Variants in USP50 observed in about 807,000 individuals in gnomAD.
The protein encoded by USP50 is ubiquitin carboxyl-terminal hydrolase 50.
In USP50, 37 loss-of-function variants were observed where a neutral mutation model predicts 39.2. The ratio of observed to expected loss-of-function variants is 0.94; its 90% CI spans 0.73 to 1.24. The LOEUF is 1.24. Among genes scored for constraint, USP50 ranks in the 50% most tolerant of loss-of-function variants. The pLI is 0.00. For missense variants in USP50, 374 were observed against 398.2 expected (o/e 0.94, Z 0.52); for synonymous variants, 139 against 144.5 (o/e 0.96, Z 0.27).
intron 6 of USP50, among the ~76,000 whole-genome samples, chr15:50,526,278 T>A (rs1398435678): frequency 6.6e-6 from 1 of 152,146 alleles, no homozygotes; most frequent in African/African-American, 2.4e-5. Flanking sequence ...CAGGCTGGTC[T>A]CCAACTCTTG....
intron 6 of USP50, chr15:50,511,752 C>G (rs529816822): frequency 2.0e-5 from 3 of 152,180 alleles, no homozygotes; most frequent in Non-Finnish European, 4.4e-5. Flanking sequence ...ATCCCAGCAC[C>G]TGGGGGAGCC....
intron 2 of USP50, chr15:50,544,034 G>GA (rs950994002): frequency 7.7e-5 from 38 of 493,562 alleles, no homozygotes; most frequent in East Asian, 1.8e-4. Context: ...CTGTCTAAAA[G>GA]AAAAAAAAGG....
Position 50,543,598 on chromosome 15 carries a change from CT to C in USP50, c.443del (p.Lys148SerfsTer45), listed in dbSNP as rs762195774. ...TTTCAAGGTCATTAACTCTACTTAC[CT>C]TTTTTAGAGCTTCATGAAGTTCATT... is the stretch of plus-strand genomic sequence containing the variant. ...VLNELHEALKKYHYSRRRSYE... is the reference protein window; with the variant it reads ...VLNELHEALKXYHYSRRRSYE... On this transcript the variant is annotated frameshift_variant and splice_region_variant, in exon 3 of 7. Transcript: ENST00000532404. LOFTEE classifies it high-confidence loss of function. 2.5e-6 allele frequency: 4 copies of C among 1,611,844 alleles called. No homozygotes were observed. Among genetic ancestry groups the C allele is most frequent in the Non-Finnish European group, 1.7e-6 (2 of 1,178,862 alleles).
At chr15:50,530,283 T>TA (rs977086286) in intron 5 of USP50, among the ~76,000 whole-genome samples, 4 of 129,922 alleles carry the variant, frequency 3.1e-5, no homozygotes, top group Non-Finnish European at 5.0e-5. Flanking sequence ...ACCCTGTCTC[T>TA]AAAAAAAAGG....
chr15:50,493,935 C>A, downstream of USP50: 2 of 1,040,812 alleles, frequency 1.9e-6, no homozygotes, highest in Admixed American at 1.8e-5. Context: ...TGGTGGTGAG[C>A]CTGCAAATAA....
intron 6 of USP50, among the ~76,000 whole-genome samples, chr15:50,529,204 G>T (rs1231211793): frequency 1.3e-5 from 2 of 151,942 alleles, no homozygotes; most frequent in Non-Finnish European, 2.9e-5. Flanking sequence ...GTGGTTCACG[G>T]TTATTCAACA....
At chr15:50,493,928 T>C (rs1027511063), downstream of USP50, 4 of 985,654 alleles carry the variant, frequency 4.1e-6, no homozygotes, top group African/African-American at 6.4e-5. Context: ...GAGAATCTGG[T>C]GGTGAGCCTG....
intron 6 of USP50, among the ~76,000 whole-genome samples, chr15:50,516,772 T>C (rs889921373): frequency 9.8e-5 from 13 of 132,538 alleles, no homozygotes; most frequent in Admixed American, 3.1e-4. Flanking sequence ...TATATATATA[T>C]ACAGAGTGGT....
Position 50,500,777 on chromosome 15 carries a change from G to C in USP50, c.997C>G (p.Gln333Glu). Residue 333 changes from glutamine to glutamate, a missense_variant, in exon 7 of 7, where the codon CAG becomes GAG. Transcript: ENST00000532404. ...YTAFCKNSVT[Q>E]A ...GTGTTATCAAAGCTATATCAGGCCTGGGTGACTGAATTCTTGCAGAAAGCA... is the reference window on the plus strand; with the variant it reads ...GTGTTATCAAAGCTATATCAGGCCTCGGTGACTGAATTCTTGCAGAAAGCA... 2 of 1,588,516 alleles carry C rather than the reference G, an allele frequency of 1.3e-6. No homozygotes were observed. Among genetic ancestry groups the C allele is most frequent in the East Asian group, 2.3e-5 (1 of 44,130 alleles).
intron 1 of USP50, among the ~76,000 whole-genome samples, chr15:50,544,992 C>T (rs891212318): frequency 6.6e-6 from 1 of 152,052 alleles, no homozygotes; most frequent in Non-Finnish European, 1.5e-5. Context: ...AATCCCAGCC[C>T]TTTGGGAGGC....
rs966111988 is a variant in USP50, at chr15:50,500,930, G to T, written c.937-93C>A. On this transcript the variant is annotated intron_variant, in intron 6 of 6. Transcript: ENST00000532404. ...AGGGCCAAGAGATGCTTTTTAAATT[G>T]TCCCTTATTCTAAATTAAAAGGAAG... is the stretch of plus-strand genomic sequence containing the variant. 1.0e-5 allele frequency: 11 copies of T among 1,055,392 alleles called. No individual in the cohort carries two copies. In the Admixed American group the frequency reaches 1.4e-4, roughly 14 times the overall value. The allele number at this position is 1,055,392 out of a possible 1,614,324, so 65.4% of individuals were successfully genotyped here. A position where few individuals can be genotyped will look rare whatever the true frequency, so the allele number is the denominator to read the frequency against.
intron 2 of USP50, 41 bp downstream of exon 2, chr15:50,544,545 TG>T (rs1403703041): frequency 2.6e-6 from 4 of 1,535,826 alleles, no homozygotes; most frequent in Non-Finnish European, 2.6e-6. Context: ...TGTGGGGAAG[TG>T]GGGGTGGGGG....
rs12438122 is a variant in USP50, at chr15:50,501,076, T to C, written c.937-239A>G. On this transcript the variant is annotated intron_variant, in intron 6 of 6. Coordinates refer to ENST00000532404, the MANE Select transcript of USP50 (RefSeq NM_203494.5). ...TCTGTGAATAAAGAAAGACAATATTTAGCAGCATCTGATTAATGTTTATCA... is the reference window on the plus strand; with the variant it reads ...TCTGTGAATAAAGAAAGACAATATTCAGCAGCATCTGATTAATGTTTATCA... 1.4e-3 allele frequency: 612 copies of C among 442,152 alleles called. 1 individual carries two copies. In the Admixed American group the frequency reaches 0.019, roughly 14 times the overall value. The allele number at this position is 442,152 out of a possible 1,614,324, so 27.4% of individuals were successfully genotyped here.
chr15:50,497,446 G>A (rs1003015819), downstream of USP50: 2 of 397,864 alleles, frequency 5.0e-6, no homozygotes, highest in Non-Finnish European at 8.7e-6. Flanking sequence ...ACTATTTCAT[G>A]TAATTCCTTA....
chr15:50,543,900 T>C lies in USP50; in HGVS notation c.249-107A>G, dbSNP rs920517844. On this transcript the variant is annotated intron_variant, in intron 2 of 6. Transcript: ENST00000532404. ...CAAAATGGAAGAACGTGGTGTCTCA[T>C]GCCTGTAACCCCAGCACTTTGGGAG... 1.1e-5 allele frequency: 12 copies of C among 1,115,754 alleles called. No homozygotes were observed. In the Admixed American group the frequency reaches 1.2e-4, roughly 11 times the overall value. 69.1% of individuals were successfully genotyped at this position (1,115,754 alleles called of 1,614,324 possible). A position where few individuals can be genotyped will look rare whatever the true frequency, so the allele number is the denominator to read the frequency against.
intron 6 of USP50, among the ~76,000 whole-genome samples, chr15:50,516,851 T>C (rs1283204815): frequency 6.6e-6 from 1 of 151,892 alleles, no homozygotes; most frequent in African/African-American, 2.4e-5. Flanking sequence ...GATAAAATGG[T>C]CAATTCATCA....
chr15:50,540,110 AG>A (rs2053016784), intron 4 of USP50, among the ~76,000 whole-genome samples: 1 of 152,218 alleles, frequency 6.6e-6, no homozygotes, highest in Non-Finnish European at 1.5e-5. Flanking sequence ...TTCGTAATTT[AG>A]GAAGAAAAAA....
chr15:50,513,412 A>C (rs536873546), intron 6 of USP50: 5 of 151,972 alleles, frequency 3.3e-5, no homozygotes, highest in Non-Finnish European at 7.4e-5. Context: ...ATTTAATGAA[A>C]AAGTATGCTT....
intron 6 of USP50, among the ~76,000 whole-genome samples, chr15:50,528,187 G>A (rs1315375562): frequency 2.6e-5 from 4 of 151,460 alleles, no homozygotes; most frequent in Admixed American, 1.3e-4. Flanking sequence ...GATTACAGGC[G>A]TGAGCCACTG....
Sources: gnomAD v4.1 joint callset for allele counts (sites outside exome capture counted in the v4.1 genomes callset) on GRCh38, gnomAD v4.1.1 for gene constraint, MANE v1.5 for transcripts, NCBI Gene and HGNC (gene_info 2026-07-23, HGNC 2026-07-21) for gene names.